The following THSD7B variants were observed in gnomAD, a reference collection of about 807,000 sequenced individuals.
THSD7B encodes thrombospondin type-1 domain-containing protein 7B.
THSD7B carries 138 observed loss-of-function variants against 213.6 expected under a neutral mutation model. The observed-to-expected ratio is 0.65, with a 90% CI of 0.56 to 0.74. THSD7B has a LOEUF of 0.74. Ranked by LOEUF, THSD7B falls within the 30% of genes least tolerant of loss-of-function variation. The pLI, the probability that THSD7B is intolerant of heterozygous loss-of-function variation, is 0.00. For missense variants in THSD7B, 1,931 were observed against 1,991.5 expected (o/e 0.97, Z 0.58); for synonymous variants, 742 against 687.0 (o/e 1.08, Z -1.25).
intron 17 of THSD7B, among the ~76,000 whole-genome samples, chr2:137,587,367 C>A (rs112037921): frequency 6.6e-6 from 1 of 152,138 alleles, no homozygotes; most frequent in Non-Finnish European, 1.5e-5. Context: ...AGCTTTGTTC[C>A]GTTGCTGGCG....
chr2:137,624,960 C>T (rs150184309), intron 20 of THSD7B, among the ~76,000 whole-genome samples: 5,626 of 152,160 alleles, frequency 0.037, 211 homozygotes, highest in African/African-American at 0.08. Context: ...TTTGACCCAG[C>T]GATCCCATTA....
intron 7 of THSD7B, among the ~76,000 whole-genome samples, chr2:137,211,099 C>T (rs1681092576): frequency 6.6e-6 from 1 of 151,924 alleles, no homozygotes; most frequent in African/African-American, 2.4e-5. Context: ...TTGCAAGATA[C>T]TTCCTTGACA....
chr2:137,081,429 T>C (rs184422333), intron 3 of THSD7B, among the ~76,000 whole-genome samples: 23 of 152,244 alleles, frequency 1.5e-4, no homozygotes, highest in Admixed American at 1.2e-3. Context: ...TTTAATGTTT[T>C]CACTGAATCT....
chr2:137,328,178 T>A (rs2104888753), intron 12 of THSD7B, among the ~76,000 whole-genome samples: 1 of 152,342 alleles, frequency 6.6e-6, no homozygotes. Flanking sequence ...GAGAGCATAT[T>A]ATTTTAAAAA....
rs142139576 is a variant in THSD7B, at chr2:137,350,845, G to A, written c.2501-54768G>A. Among the ~76,000 whole-genome samples the A allele has an allele frequency of 2.3e-3, 356 of 152,022 alleles. 4 individuals carry two copies. The highest frequency in any genetic ancestry group is 7.8e-3 in the African/African-American group (324 of 41,518). ...AATTGGATATAGGAGTAAAAGGAAA[G>A]ACGAAACCAGGACAACACCCAGGTT... On this transcript the variant is annotated intron_variant, in intron 12 of 27. Coordinates refer to ENST00000409968, the MANE Select transcript of THSD7B (RefSeq NM_001316349.2).
chr2:136,772,418 A>G (rs375524563), intron 1 of THSD7B, among the ~76,000 whole-genome samples: 2 of 152,138 alleles, frequency 1.3e-5, no homozygotes, highest in South Asian at 2.1e-4. Flanking sequence ...TATCATCTCA[A>G]AATCATAAAG....
chr2:136,965,437 T>C (rs1021489435), intron 2 of THSD7B, among the ~76,000 whole-genome samples: 1 of 152,108 alleles, frequency 6.6e-6, no homozygotes, highest in Non-Finnish European at 1.5e-5. Flanking sequence ...ACGAAGAAAA[T>C]GGCATTTGAG....
At chr2:136,776,688 T>G (rs1056199516) in intron 1 of THSD7B, among the ~76,000 whole-genome samples, 1 of 152,144 alleles carries the variant, frequency 6.6e-6, no homozygotes, top group South Asian at 2.1e-4. Context: ...GCACCTGAAA[T>G]AGCAAAGTAG....
chr2:137,017,001 A>G (rs1420902294), intron 2 of THSD7B, among the ~76,000 whole-genome samples: 4 of 152,130 alleles, frequency 2.6e-5, no homozygotes, highest in Non-Finnish European at 5.9e-5. Flanking sequence ...CACTCCCATT[A>G]TGTTGTAAAT....
intron 15 of THSD7B, chr2:137,538,483 A>T (rs756625875): frequency 1.9e-6 from 1 of 517,838 alleles, no homozygotes; most frequent in South Asian, 1.4e-5. Flanking sequence ...ATGGACTTCT[A>T]CAAAGGCTCA....
At chr2:137,030,464 G>A (rs1409230356) in intron 2 of THSD7B, among the ~76,000 whole-genome samples, 1 of 152,064 alleles carries the variant, frequency 6.6e-6, no homozygotes, top group Non-Finnish European at 1.5e-5. Context: ...TTGAATTTCA[G>A]AAGCTGTGAG....
intron 2 of THSD7B, among the ~76,000 whole-genome samples, chr2:136,886,095 G>T (rs1191511065): frequency 6.6e-6 from 1 of 152,116 alleles, no homozygotes; most frequent in East Asian, 1.9e-4. Flanking sequence ...GAGGACATGT[G>T]GGGAGGCCAG....
intron 3 of THSD7B, among the ~76,000 whole-genome samples, chr2:137,070,215 C>G (rs1444596492): frequency 2.0e-5 from 3 of 151,598 alleles, no homozygotes; most frequent in African/African-American, 7.3e-5. Flanking sequence ...GTTATATAAT[C>G]CTTTTGAATT....
At chr2:137,208,007 G>A (rs6710334) in intron 7 of THSD7B, among the ~76,000 whole-genome samples, 90,281 of 151,762 alleles carry the variant, frequency 0.59, 27,243 homozygotes, top group South Asian at 0.71. Flanking sequence ...TATTTCTCAC[G>A]GCCCAATAAC....
intron 12 of THSD7B, among the ~76,000 whole-genome samples, chr2:137,355,788 CT>C (rs1439823140): frequency 6.6e-6 from 1 of 152,150 alleles, no homozygotes; most frequent in East Asian, 1.9e-4. Flanking sequence ...TTCTTTGCCC[CT>C]TTTTCCTTCT....
chr2:137,087,705 C>T (rs1039758230), intron 3 of THSD7B, among the ~76,000 whole-genome samples: 19 of 152,238 alleles, frequency 1.2e-4, no homozygotes, highest in African/African-American at 4.1e-4. Context: ...GAATCTATAT[C>T]GGGAAAATGA....
chr2:136,905,350 T>G (rs1319845970), intron 2 of THSD7B, among the ~76,000 whole-genome samples: 2 of 152,174 alleles, frequency 1.3e-5, no homozygotes, highest in Non-Finnish European at 2.9e-5. Flanking sequence ...TACCATCTAG[T>G]TGGTGAGGCA....
chr2:136,989,799 T>G (rs1685735649), intron 2 of THSD7B, among the ~76,000 whole-genome samples: 1 of 152,178 alleles, frequency 6.6e-6, no homozygotes, highest in African/African-American at 2.4e-5. Context: ...AGATATGATC[T>G]ATTTATATTT....
chr2:137,251,335 A>G (rs1248521603), intron 10 of THSD7B, among the ~76,000 whole-genome samples: 1 of 152,076 alleles, frequency 6.6e-6, no homozygotes, highest in Non-Finnish European at 1.5e-5. Flanking sequence ...AAAAAATTCT[A>G]TCATTTTTAT....
Sources: gnomAD v4.1 joint callset for allele counts (sites outside exome capture counted in the v4.1 genomes callset) on GRCh38, gnomAD v4.1.1 for gene constraint, MANE v1.5 for transcripts, NCBI Gene and HGNC (gene_info 2026-07-23, HGNC 2026-07-21) for gene names.